MAST2: variants seen among roughly 807,000 people sequenced by gnomAD.
MAST2 encodes microtubule-associated serine/threonine-protein kinase 2.
A neutral mutation model predicts 147.4 loss-of-function variants in MAST2; 70 were observed. That is an observed-to-expected ratio of 0.47 (90% CI 0.39 to 0.58). The LOEUF (loss-of-function observed/expected upper bound fraction) is 0.58. MAST2 is among the 20% of genes least tolerant of loss of function. The probability of loss-of-function intolerance (pLI) is 0.00; values close to 1 mark genes in which losing one functional copy is unlikely to be tolerated. For synonymous variants in MAST2, 869 were observed against 896.8 expected (o/e 0.97, Z 0.55); for missense variants, 2,080 against 2,302.3 (o/e 0.90, Z 1.98).
chr1:46,021,961 T>C lies in MAST2; in HGVS notation c.1302T>C (p.Pro434=), dbSNP rs757923479. 6.2e-6 allele frequency: 10 copies of C among 1,614,076 alleles called. No homozygotes were observed. In the South Asian group the frequency reaches 7.7e-5, roughly 12 times the overall value. The change falls in exon 12 of 29, where the codon CCT becomes CCC. Residue 434 remains proline (P), a synonymous_variant. Coordinates refer to ENST00000361297, the MANE Select transcript of MAST2 (RefSeq NM_015112.3). ...CTCCCTTGGTACAGGAGTTTGACCC[T>C]GAAGAGTTCTACCACCTTTTAGAAG... ...ARLLECLEFD[P]EEFYHLLEAA...
intron 4 of MAST2, among the ~76,000 whole-genome samples, chr1:45,947,013 A>G (rs749530274): frequency 7.2e-5 from 11 of 152,206 alleles, no homozygotes; most frequent in Non-Finnish European, 1.5e-4. Flanking sequence ...AGGATGAAGC[A>G]CCACACTAAG....
chr1:46,030,340 G>T, intron 21 of MAST2, 102 bp downstream of exon 21: 4 of 1,165,904 alleles, frequency 3.4e-6, no homozygotes, highest in Non-Finnish European at 5.0e-6. Context: ...AGTTGGGGTT[G>T]GGGCCACCTC....
intron 3 of MAST2, among the ~76,000 whole-genome samples, chr1:45,861,755 G>A (rs1243069324): frequency 6.6e-6 from 1 of 151,942 alleles, no homozygotes. Flanking sequence ...AGTATGGAGA[G>A]TTAAATGCAA....
intron 3 of MAST2, among the ~76,000 whole-genome samples, chr1:45,862,689 C>G (rs565895821): frequency 2.0e-5 from 3 of 152,032 alleles, no homozygotes; most frequent in Non-Finnish European, 4.4e-5. Context: ...AGGCTGGTCT[C>G]GAACTCCTGA....
rs939103092 is a variant in MAST2 at position 46,023,563 on chromosome 1, G to A, written c.1572-209G>A. 7.6e-5 allele frequency: 47 copies of A among 621,584 alleles called. No homozygotes were observed. The highest frequency in any genetic ancestry group is 1.7e-4 in the Admixed American group (6 of 34,472). The allele number at this position is 621,584 out of a possible 1,614,324, so 38.5% of individuals were successfully genotyped here. On this transcript the variant is annotated intron_variant, in intron 14 of 28. Transcript: ENST00000361297. This position sits in a 1 kb window ranked among gnomAD's most constrained non-coding sequence, Gnocchi z 4.9. The stretch of plus-strand genomic sequence containing the variant: ...CCTCCATTCCCTGAGCTCTGGGGAA[G>A]CATTGAGCCGTGTCATCAGGACATG...
At chr1:46,030,454 T>G in intron 21 of MAST2, 153 bp from the exon 22 acceptor site, 2 of 978,906 alleles carry the variant, frequency 2.0e-6, no homozygotes, top group Non-Finnish European at 3.0e-6. Context: ...ATCAGTGGAA[T>G]AACTCCTTCC....
At chr1:45,869,238 C>T (rs1646283420) in intron 3 of MAST2, among the ~76,000 whole-genome samples, 1 of 152,144 alleles carries the variant, frequency 6.6e-6, no homozygotes, top group African/African-American at 2.4e-5. Flanking sequence ...TGGGTAACTC[C>T]AGTATCTTTG....
chr1:45,868,148 A>C (rs1468884937), intron 3 of MAST2, among the ~76,000 whole-genome samples: 1 of 152,138 alleles, frequency 6.6e-6, no homozygotes, highest in Non-Finnish European at 1.5e-5. Flanking sequence ...AAAGCTGTTC[A>C]AGTTGGGTCT....
At chr1:45,885,783 G>T (rs1405646144) in intron 4 of MAST2, among the ~76,000 whole-genome samples, 1 of 152,068 alleles carries the variant, frequency 6.6e-6, no homozygotes, top group African/African-American at 2.4e-5. Flanking sequence ...CTAGATACTG[G>T]AGATACAGTA....
intron 4 of MAST2, among the ~76,000 whole-genome samples, chr1:45,918,508 T>C (rs113700647): frequency 1.3e-5 from 2 of 152,136 alleles, no homozygotes; most frequent in Non-Finnish European, 2.9e-5. Context: ...GCACAATCTC[T>C]CCTCACTGCA....
At chr1:45,806,114 C>T (rs1201547007) in intron 1 of MAST2, among the ~76,000 whole-genome samples, 1 of 152,178 alleles carries the variant, frequency 6.6e-6, no homozygotes, top group Non-Finnish European at 1.5e-5. Context: ...TGTATGATCA[C>T]AACTCACATC....
chr1:45,879,443 G>A (rs1646745777), intron 3 of MAST2, among the ~76,000 whole-genome samples: 1 of 151,740 alleles, frequency 6.6e-6, no homozygotes, highest in African/African-American at 2.4e-5. Flanking sequence ...CATGGTGATG[G>A]GTGCCTGTAA....
intron 5 of MAST2, among the ~76,000 whole-genome samples, chr1:45,978,975 C>T (rs1232999340): frequency 1.3e-5 from 2 of 152,082 alleles, no homozygotes; most frequent in Admixed American, 6.5e-5. Flanking sequence ...ATACTAAAAA[C>T]CTCTAAACTG....
At chr1:45,889,701 G>T (rs1647380994) in intron 4 of MAST2, among the ~76,000 whole-genome samples, 2 of 151,786 alleles carry the variant, frequency 1.3e-5, no homozygotes, top group Non-Finnish European at 2.9e-5. Flanking sequence ...CACCTCCTGG[G>T]TTCAAGCAAT....
At chr1:45,994,840 A>ATTTT (rs771828003) in intron 5 of MAST2, among the ~76,000 whole-genome samples, 6 of 139,340 alleles carry the variant, frequency 4.3e-5, no homozygotes, top group African/African-American at 1.6e-4. Context: ...ATCTTCCATA[A>ATTTT]TTTTTTTTTT....
At chr1:45,950,851 G>A (rs953770280) in intron 4 of MAST2, among the ~76,000 whole-genome samples, 3 of 152,176 alleles carry the variant, frequency 2.0e-5, no homozygotes, top group East Asian at 3.9e-4. Flanking sequence ...GATGGCTGAG[G>A]CGAGTGGACT....
In MAST2 at chr1:46,030,227, A is replaced by G; in HGVS notation, c.2542A>G (p.Arg848Gly). Residue 848 changes from arginine to glycine, a missense_variant, in exon 21 of 29, where the codon AGG becomes GGG. Arg to Gly is a moderately radical substitution (Grantham distance 125). Transcript: ENST00000361297. ...CCGCCAGTTCTCTTCCTGCTCTCCA[A>G]GGTTCAACAAGGTGTGACTGAGGAG... ...EIRQFSSCSPRFNKVYSSMER... is the reference protein window; with the variant it reads ...EIRQFSSCSPGFNKVYSSMER... 1 of 1,614,022 alleles carries G rather than the reference A, an allele frequency of 6.2e-7. No homozygotes were observed. The highest frequency in any genetic ancestry group is 8.5e-7 in the Non-Finnish European group (1 of 1,179,906).
chr1:45,886,726 A>G (rs1245890637), intron 4 of MAST2, among the ~76,000 whole-genome samples: 1 of 152,186 alleles, frequency 6.6e-6, no homozygotes, highest in Non-Finnish European at 1.5e-5. Flanking sequence ...TTACTTTTTC[A>G]TAATTGAAGC....
intron 4 of MAST2, among the ~76,000 whole-genome samples, chr1:45,918,860 C>T (rs1018137199): frequency 6.6e-6 from 1 of 152,166 alleles, no homozygotes; most frequent in African/African-American, 2.4e-5. Flanking sequence ...CACCTGTAAT[C>T]CCAGCAGTTT....
Sources: gnomAD v4.1 joint callset for allele counts (sites outside exome capture counted in the v4.1 genomes callset) on GRCh38, gnomAD v4.1.1 for gene constraint, Gnocchi (gnomAD v3.1) non-coding constraint, MANE v1.5 for transcripts, NCBI Gene and HGNC (gene_info 2026-07-23, HGNC 2026-07-21) for gene names.